The following RANBP2 variants were observed in gnomAD, a reference collection of about 807,000 sequenced individuals.
RANBP2 encodes RAN binding protein 2.
In RANBP2, 57 loss-of-function variants were observed where a neutral mutation model predicts 303.6. The observed-to-expected ratio is 0.19, with a 90% confidence interval of 0.15 to 0.23. The LOEUF (loss-of-function observed/expected upper bound fraction) is 0.23. Ranked by LOEUF, RANBP2 falls within the 10% of genes least tolerant of loss-of-function variation. The pLI, the probability that RANBP2 is intolerant of heterozygous loss-of-function variation, is 1.00. For synonymous variants in RANBP2, 1,167 were observed against 1,301.5 expected, an observed-to-expected ratio of 0.90 and a Z score of 2.23; for missense variants, 3,138 against 3,780.8, an observed-to-expected ratio of 0.83 and a Z score of 4.46.
chr2:108,777,865 T>C (rs1378723525), intron 25 of RANBP2, among the ~76,000 whole-genome samples: 1 of 152,196 alleles, frequency 6.6e-6, no homozygotes, highest in African/African-American at 2.4e-5. Context: ...AGGTGTTTGA[T>C]TTATGGAATA....
the RANBP2 span, among the ~76,000 whole-genome samples, chr2:109,697,925 TCTCGGCTCACTGCGAC>T: frequency 6.8e-6 from 1 of 148,054 alleles, no homozygotes; most frequent in Non-Finnish European, 1.5e-5. Context: ...AGTGGCGCAA[TCTCGGCTCACTGCGAC>T]CTCCGCCTCC....
the RANBP2 span, among the ~76,000 whole-genome samples, chr2:109,219,128 C>T: frequency 6.6e-6 from 1 of 152,292 alleles, no homozygotes; most frequent in Admixed American, 6.5e-5. Context: ...TGTGGAGTTC[C>T]ACCTCTCTCG....
chr2:109,443,509 C>T, the RANBP2 span, among the ~76,000 whole-genome samples: 29 of 152,108 alleles, frequency 1.9e-4, no homozygotes, highest in African/African-American at 7.0e-4. Context: ...GGTTACAAAT[C>T]GTTTTTCACT....
the RANBP2 span, chr2:109,545,896 G>A: frequency 6.9e-7 from 1 of 1,445,384 alleles, no homozygotes; most frequent in South Asian, 1.5e-5. Context: ...CAGTGAACAA[G>A]AGGGACAAGG....
At chr2:109,055,663 C>T in the RANBP2 span, among the ~76,000 whole-genome samples, 3 of 151,830 alleles carry the variant, frequency 2.0e-5, no homozygotes, top group South Asian at 4.2e-4. Flanking sequence ...GGATTAAAGG[C>T]GTGAGCCACC....
chr2:109,705,761 T>C, the RANBP2 span, among the ~76,000 whole-genome samples: 3 of 152,132 alleles, frequency 2.0e-5, no homozygotes, highest in Non-Finnish European at 2.9e-5. Context: ...GGAGTTCAGG[T>C]CTCAGTCCCC....
At chr2:109,210,832 A>T in the RANBP2 span, among the ~76,000 whole-genome samples, 1 of 152,244 alleles carries the variant, frequency 6.6e-6, no homozygotes, top group African/African-American at 2.4e-5. Flanking sequence ...GTAGCTTTTT[A>T]AATTTAAAAA....
At chr2:109,609,603 A>C in the RANBP2 span, among the ~76,000 whole-genome samples, 1 of 136,212 alleles carries the variant, frequency 7.3e-6, no homozygotes, top group African/African-American at 2.9e-5. Context: ...GTGACAGAGC[A>C]AGACTCCGCC....
the RANBP2 span, among the ~76,000 whole-genome samples, chr2:109,565,569 G>A: frequency 7.2e-5 from 11 of 152,244 alleles, no homozygotes; most frequent in African/African-American, 2.4e-4. Context: ...GTGGGGGCGG[G>A]GGTAATGTGT....
At chr2:109,378,162 C>T in the RANBP2 span, among the ~76,000 whole-genome samples, 3 of 152,224 alleles carry the variant, frequency 2.0e-5, no homozygotes, top group Non-Finnish European at 4.4e-5. Flanking sequence ...GCTCCTCTCT[C>T]CTCCGCAGCA....
chr2:109,695,474 C>G, the RANBP2 span, among the ~76,000 whole-genome samples: 1 of 152,178 alleles, frequency 6.6e-6, no homozygotes, highest in Non-Finnish European at 1.5e-5. Flanking sequence ...ATTCTGCTTC[C>G]CATGGGTCCT....
chr2:109,449,523 G>A, the RANBP2 span: 40 of 1,600,270 alleles, frequency 2.5e-5, no homozygotes, highest in Non-Finnish European at 3.3e-5. Flanking sequence ...CCCTGGGCTC[G>A]AGGCCAGCTG....
At chr2:109,722,999 G>C in the RANBP2 span, among the ~76,000 whole-genome samples, 1 of 152,116 alleles carries the variant, frequency 6.6e-6, no homozygotes, top group African/African-American at 2.4e-5. Context: ...TGGGATTGCT[G>C]GTTCATACGG....
chr2:109,640,323 A>G, the RANBP2 span, among the ~76,000 whole-genome samples: 2 of 152,032 alleles, frequency 1.3e-5, no homozygotes, highest in Admixed American at 6.6e-5. Flanking sequence ...ATGCTGGTGC[A>G]TGCCTGTAAT....
chr2:109,761,906 A>G, the RANBP2 span, among the ~76,000 whole-genome samples: 2 of 151,728 alleles, frequency 1.3e-5, no homozygotes, highest in South Asian at 4.2e-4. Flanking sequence ...TGGTGTGCAC[A>G]TGAATATGCA....
At chr2:109,078,098 A>ATATATATATATGGCG in the RANBP2 span, among the ~76,000 whole-genome samples, 163 of 60,046 alleles carry the variant, frequency 2.7e-3, 4 homozygotes, top group African/African-American at 0.012. Context: ...ATATATATAT[A>ATATATATATATGGCG]TATATATATA....
the RANBP2 span, among the ~76,000 whole-genome samples, chr2:109,673,967 A>G: frequency 1.5e-3 from 234 of 152,216 alleles, no homozygotes; most frequent in Admixed American, 3.7e-3. Context: ...AATGAGGTTG[A>G]GCACCTTTCC....
the RANBP2 span, among the ~76,000 whole-genome samples, chr2:109,247,514 C>T: frequency 1.3e-5 from 2 of 152,296 alleles, no homozygotes; most frequent in East Asian, 3.9e-4. Flanking sequence ...TTAAGGCAGG[C>T]ATGGGTGGTC....
intron 23 of RANBP2, among the ~76,000 whole-genome samples, 194 bp downstream of exon 23, chr2:108,773,240 C>T (rs563843258): frequency 6.6e-6 from 1 of 152,224 alleles, no homozygotes; most frequent in East Asian, 1.9e-4. Context: ...TCCTCAGCCT[C>T]CCGAGTAGTT....
Sources: gnomAD v4.1 joint callset for allele counts (sites outside exome capture counted in the v4.1 genomes callset) on GRCh38, gnomAD v4.1.1 for gene constraint, MANE v1.5 for transcripts, NCBI Gene and HGNC (gene_info 2026-07-23, HGNC 2026-07-21) for gene names.